The following FBXO7 variants were observed in gnomAD, a reference collection of about 807,000 sequenced individuals.
FBXO7 encodes F-box only protein 7.
FBXO7 carries 31 observed loss-of-function variants against 50.2 expected under a neutral mutation model. The observed-to-expected ratio is 0.62, with a 90% CI of 0.46 to 0.83. The LOEUF is 0.83. Among genes scored for constraint, FBXO7 ranks in the 40% least tolerant of loss-of-function variants. The pLI, the probability that FBXO7 is intolerant of heterozygous loss-of-function variation, is 0.00. For synonymous variants in FBXO7, 256 were observed against 253.1 expected, an observed-to-expected ratio of 1.01 and a Z score of -0.11; for missense variants, 667 against 646.6, an observed-to-expected ratio of 1.03 and a Z score of -0.34.
At chr22:32,496,366 C>T (rs887936458) in intron 8 of FBXO7, among the ~76,000 whole-genome samples, 8 of 152,084 alleles carry the variant, frequency 5.3e-5, no homozygotes, top group Non-Finnish European at 1.2e-4. Context: ...CCTGTAATCC[C>T]AGCTACTCAG....
In FBXO7 at chr22:32,478,963, ATCTG is replaced by A; in HGVS notation, c.123-14_123-11del. 2 of 1,613,172 alleles carry A rather than the reference ATCTG, an allele frequency of 1.2e-6. No individual in the cohort carries two copies. Among genetic ancestry groups the A allele is most frequent in the Middle Eastern group, 3.3e-4 (2 of 6,062 alleles). On this transcript the variant is annotated splice_polypyrimidine_tract_variant and intron_variant, in intron 1 of 8. Coordinates refer to ENST00000266087, the MANE Select transcript of FBXO7 (RefSeq NM_012179.4). ...GAAGTAGGTAGTTCTTACTATGCTT[ATCTG>A]TCTTTCTTGGCAGTTCTAATACCCG... is the stretch of plus-strand genomic sequence containing the variant.
In FBXO7 at chr22:32,484,025, A is replaced by C; in HGVS notation, c.546A>C (p.Ser182=). The C allele has an allele frequency of 6.2e-7, 1 of 1,614,182 alleles. No homozygotes were observed. Among genetic ancestry groups the C allele is most frequent in the South Asian group, 1.1e-5 (1 of 91,082 alleles). ...SESVEGQVPH[S]LETLYQSADC... ...CGGTGGAAGGGCAAGTGCCACATTC[A>C]TTAGAGACCTTGTATCAATCAGCTG... The change falls in exon 3 of 9, where the codon TCA becomes TCC. Residue 182 remains serine (S), a synonymous_variant. Coordinates refer to ENST00000266087, the MANE Select transcript of FBXO7 (RefSeq NM_012179.4).
In FBXO7 at chr22:32,475,116, G is replaced by C. The variant is rs1315592404; in HGVS notation, c.114G>C (p.Trp38Cys). 3.2e-6 allele frequency: 5 copies of C among 1,544,496 alleles called. No individual in the cohort carries two copies. Among genetic ancestry groups the C allele is most frequent in the Non-Finnish European group, 3.5e-6 (4 of 1,145,414 alleles). Residue 38 changes from tryptophan (W) to cysteine (C), a missense_variant, in exon 1 of 9, where the codon TGG (tryptophan) becomes TGC (cysteine). Trp to Cys is a radical substitution (Grantham distance 215). Coordinates refer to ENST00000266087, the MANE Select transcript of FBXO7 (RefSeq NM_012179.4). ...TGAGGCAGTCCCTGCTGTGCACCTGGGGGTACAGGTACGCTGGGGCCGGGG... is the reference window on the plus strand; with the variant it reads ...TGAGGCAGTCCCTGCTGTGCACCTGCGGGTACAGGTACGCTGGGGCCGGGG... The part of the protein sequence containing the change: ...SHLRQSLLCT[W>C]GYSSNTRFTI...
chr22:32,493,319 T>C, intron 7 of FBXO7, 38 bp downstream of exon 7: 1 of 1,575,704 alleles, frequency 6.3e-7, no homozygotes, highest in Non-Finnish European at 8.7e-7. Context: ...GAAAGGGCTC[T>C]TATTGTCTTG....
At chr22:32,492,276 CTAT>C (rs776124048) in intron 6 of FBXO7, 5 of 152,186 alleles carry the variant, frequency 3.3e-5, no homozygotes, top group East Asian at 1.9e-4. Context: ...GGTGGCATGT[CTAT>C]TATTACAGTA....
At position 32,475,121 on chromosome 22, in the gene FBXO7, A is replaced by G; in HGVS notation, c.119A>G (p.Tyr40Cys). 1.3e-6 allele frequency: 2 copies of G among 1,543,236 alleles called. No homozygotes were observed. Among genetic ancestry groups the G allele is most frequent in the South Asian group, 1.2e-5 (1 of 83,494 alleles). ...LRQSLLCTWG[Y>C]SSNTRFTITL... ...CAGTCCCTGCTGTGCACCTGGGGGT[A>G]CAGGTACGCTGGGGCCGGGGCTGGG... Residue 40 changes from tyrosine to cysteine, a missense_variant, in exon 1 of 9, where the codon TAC (tyrosine) becomes TGC (cysteine). Coordinates refer to ENST00000266087, the MANE Select transcript of FBXO7 (RefSeq NM_012179.4).
intron 2 of FBXO7, among the ~76,000 whole-genome samples, chr22:32,481,544 G>A (rs2057464921): frequency 6.6e-6 from 1 of 152,176 alleles, no homozygotes; most frequent in African/African-American, 2.4e-5. Flanking sequence ...TGTAAAGGGT[G>A]ACAGGAAAAT....
chr22:32,496,579 T>G (rs2057576686), intron 8 of FBXO7, among the ~76,000 whole-genome samples: 1 of 152,194 alleles, frequency 6.6e-6, no homozygotes, highest in Non-Finnish European at 1.5e-5. Flanking sequence ...AGTACATCAT[T>G]TATGGCATGG....
intron 3 of FBXO7, among the ~76,000 whole-genome samples, chr22:32,484,560 T>C (rs2057486447): frequency 1.3e-5 from 2 of 152,174 alleles, no homozygotes; most frequent in South Asian, 4.1e-4. Flanking sequence ...ATTGGGATAT[T>C]TCTTGTCTTC....
chr22:32,480,617 T>C (rs1331929580), intron 2 of FBXO7, among the ~76,000 whole-genome samples: 1 of 152,168 alleles, frequency 6.6e-6, no homozygotes, highest in African/African-American at 2.4e-5. Context: ...TTAATTTCTT[T>C]GTATTGATTA....
At chr22:32,477,851 T>G (rs1455884083) in intron 1 of FBXO7, among the ~76,000 whole-genome samples, 1 of 152,220 alleles carries the variant, frequency 6.6e-6, no homozygotes, top group Admixed American at 6.5e-5. Flanking sequence ...GAAGATATGG[T>G]TTGAACTGTT....
chr22:32,498,561 T>C lies in FBXO7; in HGVS notation c.*31T>C. On this transcript the variant is annotated 3_prime_UTR_variant, in exon 9 of 9. Transcript: ENST00000266087. ...TTGTAATTTCATTTCTGGAGCTCCA[T>C]TTGTTTTTGTTTCTAAACTACAGAT... The C allele has an allele frequency of 6.3e-7, 1 of 1,598,940 alleles. No individual in the cohort carries two copies. The highest frequency in any genetic ancestry group is 8.5e-7 in the Non-Finnish European group (1 of 1,175,996).
intron 2 of FBXO7, among the ~76,000 whole-genome samples, chr22:32,481,760 A>G (rs2057466182): frequency 6.6e-6 from 1 of 152,194 alleles, no homozygotes; most frequent in Non-Finnish European, 1.5e-5. Flanking sequence ...TGAGTCTTTA[A>G]TGAGAAACGG....
intron 2 of FBXO7, 71 bp downstream of exon 2, chr22:32,479,346 G>C: frequency 7.2e-7 from 1 of 1,398,408 alleles, no homozygotes; most frequent in Non-Finnish European, 1.0e-6. Flanking sequence ...GTTGAATTCT[G>C]TTCCAGTCAG....
intron 5 of FBXO7, chr22:32,488,097 C>T (rs2057510829): frequency 2.8e-6 from 1 of 363,616 alleles, no homozygotes; most frequent in African/African-American, 2.1e-5. Flanking sequence ...TAATTTATTA[C>T]ACTCTGATGA....
intron 5 of FBXO7, 97 bp downstream of exon 5, chr22:32,487,925 A>C: frequency 1.3e-6 from 1 of 777,240 alleles, no homozygotes. Flanking sequence ...GAAAATTTCT[A>C]TATGAGATTA....
intron 2 of FBXO7, among the ~76,000 whole-genome samples, chr22:32,483,661 T>C (rs1227840337): frequency 6.6e-6 from 1 of 151,744 alleles, no homozygotes; most frequent in Non-Finnish European, 1.5e-5. Flanking sequence ...GAGGGAGGAG[T>C]CTAGGATGAT....
chr22:32,477,747 A>G (rs1319455405), intron 1 of FBXO7, among the ~76,000 whole-genome samples: 2 of 152,236 alleles, frequency 1.3e-5, no homozygotes, highest in Admixed American at 6.5e-5. Context: ...AAGGATATTG[A>G]ATAGACATCC....
intron 1 of FBXO7, among the ~76,000 whole-genome samples, chr22:32,476,385 G>GTA (rs1053914264): frequency 3.3e-5 from 5 of 151,946 alleles, no homozygotes; most frequent in Non-Finnish European, 5.9e-5. Context: ...GTATTACCAA[G>GTA]TATATATATA....
Sources: gnomAD v4.1 joint callset for allele counts (sites outside exome capture counted in the v4.1 genomes callset) on GRCh38, gnomAD v4.1.1 for gene constraint, MANE v1.5 for transcripts, NCBI Gene and HGNC (gene_info 2026-07-23, HGNC 2026-07-21) for gene names.